The following PIP5K1B variants were observed in gnomAD, a reference collection of about 807,000 sequenced individuals.
The protein encoded by PIP5K1B is phosphatidylinositol 4-phosphate 5-kinase type-1 beta.
Under a neutral mutation model 67.0 loss-of-function variants are expected in PIP5K1B, and 42 were observed. That is an observed-to-expected ratio of 0.63 (90% CI 0.49 to 0.81). The LOEUF (loss-of-function observed/expected upper bound fraction) is 0.81. PIP5K1B is among the 30% of genes least tolerant of loss of function. The pLI is 0.00. For missense variants in PIP5K1B, 459 were observed against 646.3 expected (o/e 0.71, Z 3.14); for synonymous variants, 214 against 231.4 (o/e 0.92, Z 0.68).
intron 1 of PIP5K1B, among the ~76,000 whole-genome samples, chr9:68,718,283 T>G (rs942677945): frequency 8.5e-5 from 13 of 152,230 alleles, no homozygotes; most frequent in African/African-American, 3.1e-4. Flanking sequence ...ATATGTAAGC[T>G]TCAATCATCA....
intron 2 of PIP5K1B, among the ~76,000 whole-genome samples, chr9:68,803,028 A>G (rs774612837): frequency 2.0e-5 from 3 of 152,208 alleles, no homozygotes. Flanking sequence ...TTAAGTTTGT[A>G]TAAGGGAAAA....
At chr9:68,728,419 A>G (rs891391312) in intron 1 of PIP5K1B, among the ~76,000 whole-genome samples, 2 of 152,108 alleles carry the variant, frequency 1.3e-5, no homozygotes, top group African/African-American at 4.8e-5. Flanking sequence ...CTCCACCCTC[A>G]TGACCTCATT....
chr9:68,841,851 T>A (rs776848937), intron 4 of PIP5K1B, among the ~76,000 whole-genome samples: 11 of 152,230 alleles, frequency 7.2e-5, no homozygotes, highest in Non-Finnish European at 1.5e-4. Flanking sequence ...ATTTTCTGCA[T>A]TGTATTCTTA....
At chr9:68,764,886 A>G (rs1390392695) in intron 2 of PIP5K1B, among the ~76,000 whole-genome samples, 1 of 152,108 alleles carries the variant, frequency 6.6e-6, no homozygotes, top group Non-Finnish European at 1.5e-5. Flanking sequence ...TATTTAAAAT[A>G]CTGAAGCATT....
intron 14 of PIP5K1B, among the ~76,000 whole-genome samples, chr9:68,988,612 G>A (rs997012057): frequency 6.6e-6 from 1 of 151,824 alleles, no homozygotes; most frequent in African/African-American, 2.4e-5. Context: ...ACCATTCCCG[G>A]CTAATATTTT....
At chr9:68,894,700 C>A in intron 8 of PIP5K1B, 62 bp downstream of exon 8, 1 of 1,460,024 alleles carries the variant, frequency 6.8e-7, no homozygotes, top group South Asian at 1.2e-5. Flanking sequence ...CTGTGGCTGC[C>A]ACTTATTGAA....
At chr9:68,951,395 T>G (rs147001911) in intron 14 of PIP5K1B, among the ~76,000 whole-genome samples, 1 of 152,354 alleles carries the variant, frequency 6.6e-6, no homozygotes, top group East Asian at 1.9e-4. Context: ...CTAAGCACTT[T>G]GTCTGGGAGA....
chr9:68,955,001 T>C (rs928619661), intron 14 of PIP5K1B, among the ~76,000 whole-genome samples: 9 of 152,224 alleles, frequency 5.9e-5, no homozygotes, highest in Non-Finnish European at 8.8e-5. Context: ...ATAATATTTG[T>C]ATAAATAGTC....
chr9:68,818,135 T>C (rs1267429546), intron 2 of PIP5K1B, among the ~76,000 whole-genome samples: 1 of 152,250 alleles, frequency 6.6e-6, no homozygotes, highest in East Asian at 1.9e-4. Flanking sequence ...TTTGAGCAAC[T>C]GCTTTGCTTT....
intron 12 of PIP5K1B, among the ~76,000 whole-genome samples, chr9:68,929,433 A>G (rs534685496): frequency 2.0e-5 from 3 of 152,014 alleles, no homozygotes; most frequent in Non-Finnish European, 2.9e-5. Context: ...CATAGAAACA[A>G]ACCTCCTCAA....
intron 3 of PIP5K1B, among the ~76,000 whole-genome samples, chr9:68,821,569 A>T (rs554621800): frequency 6.6e-6 from 1 of 152,378 alleles, no homozygotes; most frequent in Non-Finnish European, 1.5e-5. Flanking sequence ...TAAGATGATA[A>T]CAGTCATTAC....
intron 15 of PIP5K1B, among the ~76,000 whole-genome samples, chr9:68,998,077 T>C (rs981114113): frequency 4.0e-5 from 6 of 151,498 alleles, no homozygotes; most frequent in African/African-American, 1.5e-4. Context: ...CTTTTCTTTT[T>C]TTTTTTTGTT....
chr9:68,887,706 G>A (rs1249723839), intron 6 of PIP5K1B, among the ~76,000 whole-genome samples: 2 of 152,204 alleles, frequency 1.3e-5, no homozygotes, highest in Non-Finnish European at 2.9e-5. Context: ...ATCCAGGCAT[G>A]AAATGATGAA....
intron 14 of PIP5K1B, among the ~76,000 whole-genome samples, chr9:68,961,683 T>A (rs1023099290): frequency 2.0e-5 from 3 of 152,150 alleles, no homozygotes; most frequent in Admixed American, 1.3e-4. Context: ...GTCAGCTTGA[T>A]GGAAGCCGAG....
chr9:68,939,455 C>A (rs1229424537), intron 13 of PIP5K1B, among the ~76,000 whole-genome samples: 1 of 152,194 alleles, frequency 6.6e-6, no homozygotes, highest in Non-Finnish European at 1.5e-5. Flanking sequence ...TCATGTTTTT[C>A]TTTCCATTTA....
intron 1 of PIP5K1B, among the ~76,000 whole-genome samples, chr9:68,724,065 A>G (rs1434144409): frequency 1.3e-5 from 2 of 152,024 alleles, no homozygotes; most frequent in Non-Finnish European, 2.9e-5. Context: ...AAAGATAGGT[A>G]TCTAGTTTTA....
intron 15 of PIP5K1B, among the ~76,000 whole-genome samples, chr9:68,993,767 ATG>A (rs1830481066): frequency 6.6e-6 from 1 of 152,208 alleles, no homozygotes; most frequent in South Asian, 2.1e-4. Flanking sequence ...TGCCACTTTC[ATG>A]TGTCTTTACA....
chr9:68,899,313 A>G (rs1032909740), intron 8 of PIP5K1B, among the ~76,000 whole-genome samples: 3 of 152,108 alleles, frequency 2.0e-5, no homozygotes, highest in Non-Finnish European at 2.9e-5. Flanking sequence ...GGGACTTAAT[A>G]CACTGTTACT....
At chr9:68,737,322 G>A (rs778952868) in intron 1 of PIP5K1B, among the ~76,000 whole-genome samples, 26 of 152,196 alleles carry the variant, frequency 1.7e-4, no homozygotes, top group Non-Finnish European at 3.5e-4. Context: ...TTTGAGAATA[G>A]TGTTATGTTT....
Sources: allele counts gnomAD v4.1 joint callset (sites outside exome capture counted in the v4.1 genomes callset), GRCh38; gene constraint gnomAD v4.1.1; transcripts MANE v1.5; gene names NCBI Gene and HGNC (gene_info 2026-07-23, HGNC 2026-07-21).